GPAT3: variants seen among roughly 807,000 people sequenced by gnomAD.
GPAT3 encodes glycerol-3-phosphate acyltransferase 3, also known as 1-AGP acyltransferase 9.
In GPAT3, 53 loss-of-function variants were observed where a neutral mutation model predicts 58.8. That is an observed-to-expected ratio of 0.90 (90% CI 0.72 to 1.13). The LOEUF (loss-of-function observed/expected upper bound fraction) is 1.13. Among genes scored for constraint, GPAT3 ranks in the 50% most tolerant of loss-of-function variants. The pLI is 0.00. For missense variants in GPAT3, 511 were observed against 527.6 expected (o/e 0.97, Z 0.31); for synonymous variants, 197 against 187.4 (o/e 1.05, Z -0.42).
intron 2 of GPAT3, among the ~76,000 whole-genome samples, chr4:83,572,216 C>A (rs537798582): frequency 6.6e-6 from 1 of 152,280 alleles, no homozygotes; most frequent in South Asian, 2.1e-4. Context: ...CAACCCTTTT[C>A]TCTCCCTTTC....
chr4:83,566,479 C>T (rs1725392218), intron 2 of GPAT3, among the ~76,000 whole-genome samples: 1 of 149,764 alleles, frequency 6.7e-6, no homozygotes, highest in South Asian at 2.1e-4. Flanking sequence ...ACCAGGTTGG[C>T]CAGGCTGATC....
intron 2 of GPAT3, among the ~76,000 whole-genome samples, chr4:83,557,451 A>AC (rs1236463876): frequency 2.0e-5 from 3 of 152,204 alleles, no homozygotes; most frequent in Admixed American, 6.5e-5. Context: ...TCCCTAGGCC[A>AC]CATTGGAAGA....
At chr4:83,594,578 C>T (rs1219228355) in intron 6 of GPAT3, among the ~76,000 whole-genome samples, 1 of 152,146 alleles carries the variant, frequency 6.6e-6, no homozygotes, top group Admixed American at 6.5e-5. Flanking sequence ...TTACATTTCT[C>T]TAATGTTGAC....
intron 2 of GPAT3, among the ~76,000 whole-genome samples, chr4:83,561,821 G>A (rs1023305053): frequency 2.8e-4 from 41 of 147,564 alleles, no homozygotes; most frequent in Admixed American, 2.4e-3. Context: ...AAAAAAAAAA[G>A]AGAGAGAGAA....
chr4:83,567,375 T>C (rs1725437912), intron 2 of GPAT3, among the ~76,000 whole-genome samples: 1 of 152,238 alleles, frequency 6.6e-6, no homozygotes, highest in South Asian at 2.1e-4. Flanking sequence ...TTCATGCTTT[T>C]AAGGCATGTC....
intron 2 of GPAT3, among the ~76,000 whole-genome samples, chr4:83,580,534 TCA>T (rs1726070025): frequency 6.6e-6 from 1 of 152,192 alleles, no homozygotes; most frequent in South Asian, 2.1e-4. Context: ...AAAACTATCT[TCA>T]GTCTTTTCAT....
chr4:83,588,123 G>C, intron 4 of GPAT3, 87 bp from the exon 5 acceptor site: 3 of 1,114,596 alleles, frequency 2.7e-6, no homozygotes, highest in South Asian at 2.7e-5. Context: ...GTGGTATGCT[G>C]TTGTGAAAAA....
chr4:83,596,789 G>A (rs1578199636), intron 7 of GPAT3, 69 bp from the exon 8 acceptor site: 1 of 1,198,116 alleles, frequency 8.3e-7, no homozygotes, highest in East Asian at 2.3e-5. Flanking sequence ...TAAAGTGCAA[G>A]GAATATCAAA....
rs751545351 is a variant in GPAT3 at position 83,536,744 on chromosome 4, T to TC, written c.124dup (p.Leu42ProfsTer13). On this transcript the variant is annotated frameshift_variant, in exon 1 of 12. Transcript: ENST00000264409. LOFTEE classifies it high-confidence loss of function. Reference sequence around the variant, plus strand: ...GGCATCTCCGAGATCTACATGAAGATCCTAGTGAAAACTTTAGAGGTGAGT... The same window carrying TC: ...GGCATCTCCGAGATCTACATGAAGATCCCTAGTGAAAACTTTAGAGGTGAGT... 7.4e-6 allele frequency: 12 copies of TC among 1,612,320 alleles called. No individual in the cohort carries two copies. The Admixed American group carries it at 1.3e-4, about 18-fold the overall frequency.
At chr4:83,584,595 C>A (rs923269216) in intron 3 of GPAT3, among the ~76,000 whole-genome samples, 7 of 152,086 alleles carry the variant, frequency 4.6e-5, no homozygotes, top group Non-Finnish European at 1.0e-4. Flanking sequence ...AACCTCTGCC[C>A]GCTGAGTTCA....
intron 6 of GPAT3, among the ~76,000 whole-genome samples, chr4:83,593,236 C>T (rs1297660430): frequency 4.3e-5 from 6 of 140,968 alleles, no homozygotes; most frequent in Admixed American, 7.5e-5. Flanking sequence ...ATGATCTCGG[C>T]TCACTGCAAC....
intron 2 of GPAT3, among the ~76,000 whole-genome samples, chr4:83,573,512 A>T (rs1725677133): frequency 2.0e-5 from 3 of 152,124 alleles, no homozygotes; most frequent in Non-Finnish European, 4.4e-5. Flanking sequence ...GACATTGAAT[A>T]TTTCTGTTCT....
chr4:83,542,785 G>A (rs1483198129), intron 1 of GPAT3, among the ~76,000 whole-genome samples: 1 of 151,482 alleles, frequency 6.6e-6, no homozygotes, highest in African/African-American at 2.4e-5. Context: ...CTCACCTGAG[G>A]TCAGCAGTTC....
intron 2 of GPAT3, among the ~76,000 whole-genome samples, chr4:83,565,552 G>C (rs1460221000): frequency 4.0e-5 from 6 of 151,836 alleles, no homozygotes; most frequent in Non-Finnish European, 8.8e-5. Context: ...AGGGTGGAGT[G>C]CAGTGGTGCG....
intron 2 of GPAT3, among the ~76,000 whole-genome samples, chr4:83,558,773 A>G (rs187597651): frequency 1.5e-3 from 223 of 152,314 alleles, no homozygotes; most frequent in Non-Finnish European, 2.4e-3. Flanking sequence ...GCGTAGATAA[A>G]CCCAGGTTAA....
chr4:83,555,684 C>T (rs1724919384), intron 2 of GPAT3, among the ~76,000 whole-genome samples: 1 of 152,254 alleles, frequency 6.6e-6, no homozygotes, highest in South Asian at 2.1e-4. Context: ...ATGACTGAAC[C>T]TGAGGAAGGG....
chr4:83,595,902 A>C (rs1726809297), intron 7 of GPAT3, among the ~76,000 whole-genome samples: 1 of 152,144 alleles, frequency 6.6e-6, no homozygotes, highest in Non-Finnish European at 1.5e-5. Context: ...AATATAATGA[A>C]AAGTACTTGA....
rs1020740271 is a variant in GPAT3 at position 83,563,777 on chromosome 4, G to A, written c.209-17785G>A. On this transcript the variant is annotated intron_variant, in intron 2 of 11. Coordinates refer to ENST00000264409, the MANE Select transcript of GPAT3 (RefSeq NM_032717.5). ...ATTACAGGCATGAGCCACTGTACCCGGCCAAGTGTTTATTATTTTCTTGAC... is the reference window on the plus strand; with the variant it reads ...ATTACAGGCATGAGCCACTGTACCCAGCCAAGTGTTTATTATTTTCTTGAC... Among the ~76,000 whole-genome samples, 10 of 152,054 alleles carry A rather than the reference G, an allele frequency of 6.6e-5. No homozygotes were observed. The East Asian group carries it at 1.4e-3, about 21-fold the overall frequency.
At chr4:83,589,730 C>T (rs1402131615) in intron 5 of GPAT3, among the ~76,000 whole-genome samples, 3 of 152,168 alleles carry the variant, frequency 2.0e-5, no homozygotes, top group Non-Finnish European at 4.4e-5. Flanking sequence ...ACCACACTCT[C>T]ATCACACTAC....
Sources: gnomAD v4.1 joint callset for allele counts (sites outside exome capture counted in the v4.1 genomes callset) on GRCh38, gnomAD v4.1.1 for gene constraint, MANE v1.5 for transcripts, NCBI Gene and HGNC (gene_info 2026-07-23, HGNC 2026-07-21) for gene names.